Variants in SPAG1 observed in about 807,000 individuals in gnomAD.
The protein encoded by SPAG1 is sperm associated antigen 1, also known as sperm-associated antigen 1.
A neutral mutation model predicts 100.5 loss-of-function variants in SPAG1; 69 were observed. The ratio of observed to expected loss-of-function variants is 0.69; its 90% CI spans 0.57 to 0.84. SPAG1 has a LOEUF of 0.84. Among genes scored for constraint, SPAG1 ranks in the 40% least tolerant of loss-of-function variants. The probability of loss-of-function intolerance (pLI) is 0.00; values close to 1 mark genes in which losing one functional copy is unlikely to be tolerated. For synonymous variants in SPAG1, 336 were observed against 411.6 expected (o/e 0.82, Z 2.22); for missense variants, 955 against 1,133.1 (o/e 0.84, Z 2.26).
At chr8:100,181,295 T>A (rs1283880071) in intron 4 of SPAG1, among the ~76,000 whole-genome samples, 2 of 152,208 alleles carry the variant, frequency 1.3e-5, no homozygotes, top group African/African-American at 4.8e-5. Context: ...TTTTGATATA[T>A]CTACACATTT....
chr8:100,196,429 G>A (rs1412788912), intron 10 of SPAG1, among the ~76,000 whole-genome samples: 1 of 152,082 alleles, frequency 6.6e-6, no homozygotes, highest in Admixed American at 6.6e-5. Context: ...TAGGTGTATA[G>A]TGGTTTCTCA....
intron 10 of SPAG1, among the ~76,000 whole-genome samples, chr8:100,209,209 G>C (rs892570154): frequency 1.2e-4 from 18 of 151,938 alleles, no homozygotes; most frequent in Non-Finnish European, 7.4e-5. Context: ...GTTGAGACTT[G>C]GACTGGCTCT....
intron 1 of SPAG1, chr8:100,158,983 A>G (rs1041395291): frequency 6.6e-6 from 1 of 152,054 alleles, no homozygotes; most frequent in African/African-American, 2.4e-5. Context: ...AAAAAAAAAA[A>G]AAAAGATTCT....
At chr8:100,164,582 G>A (rs1296597661) in intron 2 of SPAG1, among the ~76,000 whole-genome samples, 1 of 152,004 alleles carries the variant, frequency 6.6e-6, no homozygotes, top group Admixed American at 6.6e-5. Context: ...CTGCCACCAC[G>A]CCCGGCTAAT....
At chr8:100,214,535 A>C (rs780526850) in intron 12 of SPAG1, among the ~76,000 whole-genome samples, 4 of 152,138 alleles carry the variant, frequency 2.6e-5, no homozygotes, top group Non-Finnish European at 4.4e-5. Context: ...CTACACTGAC[A>C]CTCGGTCACA....
intron 15 of SPAG1, 93 bp downstream of exon 15, chr8:100,231,381 G>A: frequency 1.1e-6 from 1 of 894,550 alleles, no homozygotes; most frequent in Non-Finnish European, 1.6e-6. Flanking sequence ...TTAAGTAATT[G>A]CCAAAGTTTT....
At chr8:100,189,719 C>T (rs776818821) in intron 8 of SPAG1, among the ~76,000 whole-genome samples, 1 of 152,092 alleles carries the variant, frequency 6.6e-6, no homozygotes, top group Non-Finnish European at 1.5e-5. Flanking sequence ...GACACAGGAA[C>T]TCATTGTACT....
intron 10 of SPAG1, among the ~76,000 whole-genome samples, chr8:100,201,693 G>A (rs1817281928): frequency 6.6e-6 from 1 of 151,982 alleles, no homozygotes; most frequent in South Asian, 2.1e-4. Flanking sequence ...CCTTCCCCAA[G>A]GCAGGACTCT....
chr8:100,165,422 T>G, intron 2 of SPAG1: 1 of 430,660 alleles, frequency 2.3e-6, no homozygotes, highest in South Asian at 1.7e-5. Context: ...CAGAGTACTT[T>G]GTACGCCAGC....
At position 100,168,687 on chromosome 8, in the gene SPAG1, C is replaced by CTTTTTTTTTTTTTTTTTTTTTTTTTTTTT. The variant is rs747506730; in HGVS notation, c.300+2725_300+2726insTTTTTTTTTTTTTTTTTTTTTTTTTTTTT. On this transcript the variant is annotated intron_variant, in intron 3 of 18. Coordinates refer to ENST00000388798, the MANE Select transcript of SPAG1 (RefSeq NM_003114.5). ...AGCATGAGCCACCATGCCCAGCCATCTTTTTTTTTTTGTTGTTGAGACAGA... is the reference window on the plus strand; with the variant it reads ...AGCATGAGCCACCATGCCCAGCCATCTTTTTTTTTTTTTTTTTTTTTTTTTTTTTTTTTTTTTTTTGTTGTTGAGACAGA... Among the ~76,000 whole-genome samples the CTTTTTTTTTTTTTTTTTTTTTTTTTTTTT allele has an allele frequency of 1.8e-3, 169 of 95,644 alleles. 33 individuals carry two copies. Among genetic ancestry groups the CTTTTTTTTTTTTTTTTTTTTTTTTTTTTT allele is most frequent in the Middle Eastern group, 6.7e-3 (1 of 150 alleles). The allele number at this position is 95,644 out of a possible 152,430, so 62.7% of individuals were successfully genotyped here. A position where few individuals can be genotyped will look rare whatever the true frequency, so the allele number is the denominator to read the frequency against.
chr8:100,201,780 G>C (rs1304415311), intron 10 of SPAG1, among the ~76,000 whole-genome samples: 1 of 152,162 alleles, frequency 6.6e-6, no homozygotes, highest in Non-Finnish European at 1.5e-5. Flanking sequence ...CTGAGGGAAG[G>C]AATGCTGACT....
chr8:100,213,346 G>A lies in SPAG1; in HGVS notation c.1353G>A (p.Gln451=), dbSNP rs1388520097. The change falls in exon 11 of 19, where the codon CAG becomes CAA. Residue 451 remains glutamine, a synonymous_variant. Transcript: ENST00000388798. ...GAENPAGLKS[Q]GNELFRSGQF... ...AGAACCCTGCCGGCCTGAAGAGCCAGGGCAACGAGCTGTTCCGAAGCGGGC... is the reference window on the plus strand; with the variant it reads ...AGAACCCTGCCGGCCTGAAGAGCCAAGGCAACGAGCTGTTCCGAAGCGGGC... 2 of 1,388,118 alleles carry A rather than the reference G, an allele frequency of 1.4e-6. No homozygotes were observed. The highest frequency in any genetic ancestry group is 9.4e-7 in the Non-Finnish European group (1 of 1,065,716). The allele number at this position is 1,388,118 out of a possible 1,614,324, so 86.0% of individuals were successfully genotyped here.
chr8:100,235,220 C>T (rs1818951349), intron 16 of SPAG1, among the ~76,000 whole-genome samples: 1 of 152,104 alleles, frequency 6.6e-6, no homozygotes, highest in South Asian at 2.1e-4. Flanking sequence ...CCCAAATCTT[C>T]TCTTTTTATA....
chr8:100,231,579 G>A (rs1586549685), intron 15 of SPAG1, among the ~76,000 whole-genome samples: 1 of 152,178 alleles, frequency 6.6e-6, no homozygotes, highest in Non-Finnish European at 1.5e-5. Flanking sequence ...ACTCTGATTC[G>A]GCATTTCCTG....
intron 10 of SPAG1, among the ~76,000 whole-genome samples, chr8:100,200,578 T>C (rs1817232776): frequency 6.6e-6 from 1 of 152,228 alleles, no homozygotes; most frequent in African/African-American, 2.4e-5. Context: ...GTAAAAGCGT[T>C]TCTATTTCTC....
chr8:100,194,231 A>AGAG lies in SPAG1; in HGVS notation c.1059_1060insGAG (p.Lys353_Ser354insGlu). ...AAAACTCCGAAGATGAAGAAGGAAA[A>AGAG]AGCGGAAGAAAACATGAAGATGGCG... On this transcript the variant is annotated inframe_insertion, in exon 10 of 19. Coordinates refer to ENST00000388798, the MANE Select transcript of SPAG1 (RefSeq NM_003114.5). 1 of 1,609,634 alleles carries AGAG rather than the reference A, an allele frequency of 6.2e-7. No homozygotes were observed. Among genetic ancestry groups the AGAG allele is most frequent in the Non-Finnish European group, 8.5e-7 (1 of 1,176,396 alleles).
chr8:100,203,589 C>T (rs931419253), intron 10 of SPAG1, among the ~76,000 whole-genome samples: 1 of 152,146 alleles, frequency 6.6e-6, no homozygotes, highest in Non-Finnish European at 1.5e-5. Flanking sequence ...TTTGACACTT[C>T]TGATTCATCA....
At chr8:100,194,895 G>A (rs1385823926) in intron 10 of SPAG1, among the ~76,000 whole-genome samples, 4 of 152,110 alleles carry the variant, frequency 2.6e-5, no homozygotes, top group South Asian at 2.1e-4. Flanking sequence ...AGCTGGGCGC[G>A]GTGGCTCACA....
At chr8:100,225,389 G>A (rs766139782) in intron 14 of SPAG1, 50 bp downstream of exon 14, 3 of 1,550,680 alleles carry the variant, frequency 1.9e-6, no homozygotes, top group Non-Finnish European at 2.7e-6. Context: ...TGAGTTGTGT[G>A]TGTACTTTCA....
Sources: allele counts gnomAD v4.1 joint callset (sites outside exome capture counted in the v4.1 genomes callset), GRCh38; gene constraint gnomAD v4.1.1; transcripts MANE v1.5; gene names NCBI Gene and HGNC (gene_info 2026-07-23, HGNC 2026-07-21).